CPA6: variants seen among roughly 807,000 people sequenced by gnomAD.
CPA6 encodes carboxypeptidase A6, also known as carboxypeptidase B.
In CPA6, 58 loss-of-function variants were observed where a neutral mutation model predicts 63.3. That is an observed-to-expected ratio of 0.92 (90% confidence interval 0.74 to 1.14). The LOEUF (loss-of-function observed/expected upper bound fraction) is 1.14. Ranked by LOEUF, CPA6 falls within the 50% of genes most tolerant of loss-of-function variation. The pLI is 0.00. For synonymous variants in CPA6, 185 were observed against 179.0 expected (o/e 1.03, Z -0.27); for missense variants, 565 against 526.6 (o/e 1.07, Z -0.71).
intron 8 of CPA6, among the ~76,000 whole-genome samples, chr8:67,451,796 C>A (rs949173362): frequency 3.9e-5 from 6 of 152,128 alleles, no homozygotes; most frequent in Non-Finnish European, 8.8e-5. Flanking sequence ...TTCAGATAAG[C>A]CTGTTGGTCC....
intron 1 of CPA6, among the ~76,000 whole-genome samples, chr8:67,722,943 A>G (rs540610464): frequency 1.3e-3 from 193 of 151,862 alleles, no homozygotes; most frequent in Non-Finnish European, 2.5e-3. Flanking sequence ...CACTACCACC[A>G]TTTCCTCCCC....
intron 1 of CPA6, among the ~76,000 whole-genome samples, chr8:67,736,822 T>C (rs149093504): frequency 6.6e-6 from 1 of 152,204 alleles, no homozygotes. Flanking sequence ...AAAGTGCTTA[T>C]CTTCTCTGCA....
intron 2 of CPA6, among the ~76,000 whole-genome samples, chr8:67,622,602 C>G (rs1815107612): frequency 6.6e-6 from 1 of 152,136 alleles, no homozygotes; most frequent in East Asian, 1.9e-4. Context: ...ACTCAATGTT[C>G]AAGACATCAT....
intron 1 of CPA6, among the ~76,000 whole-genome samples, chr8:67,625,379 G>A (rs536696135): frequency 6.6e-6 from 1 of 152,156 alleles, no homozygotes; most frequent in Admixed American, 6.5e-5. Flanking sequence ...TTTCTGTAAA[G>A]GTCCTGAATT....
intron 1 of CPA6, among the ~76,000 whole-genome samples, chr8:67,700,306 G>A (rs1482683459): frequency 6.6e-6 from 1 of 152,172 alleles, no homozygotes; most frequent in African/African-American, 2.4e-5. Flanking sequence ...ACATACTAAG[G>A]AGTTATAAAC....
chr8:67,606,666 A>G (rs534425315), intron 2 of CPA6, among the ~76,000 whole-genome samples: 1 of 152,332 alleles, frequency 6.6e-6, no homozygotes, highest in Admixed American at 6.5e-5. Context: ...CTCTGCGGGC[A>G]TGACAAAGAC....
intron 2 of CPA6, among the ~76,000 whole-genome samples, chr8:67,586,596 T>C (rs1471017161): frequency 1.3e-5 from 2 of 152,194 alleles, no homozygotes; most frequent in South Asian, 2.1e-4. Flanking sequence ...GGAACTAGCA[T>C]GGCTTCAAAG....
At chr8:67,440,485 C>T (rs1358551505) in intron 8 of CPA6, among the ~76,000 whole-genome samples, 1 of 152,104 alleles carries the variant, frequency 6.6e-6, no homozygotes, top group Non-Finnish European at 1.5e-5. Context: ...GTGTGAGAAT[C>T]GCTTGAACCC....
chr8:67,544,797 C>T (rs1812778366), intron 2 of CPA6, among the ~76,000 whole-genome samples: 1 of 152,154 alleles, frequency 6.6e-6, no homozygotes, highest in Admixed American at 6.5e-5. Flanking sequence ...CCCCAACTTC[C>T]ACCAGGATGC....
intron 2 of CPA6, among the ~76,000 whole-genome samples, chr8:67,573,964 T>C (rs1031420282): frequency 4.0e-5 from 6 of 149,910 alleles, no homozygotes; most frequent in Non-Finnish European, 8.9e-5. Context: ...TTAAAACATA[T>C]TCTGTGTGTT....
At chr8:67,460,866 G>A (rs926365390) in intron 8 of CPA6, among the ~76,000 whole-genome samples, 4 of 152,000 alleles carry the variant, frequency 2.6e-5, no homozygotes, top group African/African-American at 4.8e-5. Flanking sequence ...CATCTCTAGC[G>A]AAGTACCAGG....
chr8:67,626,493 C>A (rs1276765940), intron 1 of CPA6, among the ~76,000 whole-genome samples: 1 of 152,146 alleles, frequency 6.6e-6, no homozygotes, highest in Non-Finnish European at 1.5e-5. Flanking sequence ...ATCACACAAA[C>A]CACCTCTCAG....
At chr8:67,519,895 T>C (rs1236444717) in intron 2 of CPA6, among the ~76,000 whole-genome samples, 1 of 152,246 alleles carries the variant, frequency 6.6e-6, no homozygotes, top group Admixed American at 6.5e-5. Flanking sequence ...CTTAATCCCT[T>C]CTATTGCAGC....
chr8:67,467,610 T>C (rs1198961680), intron 8 of CPA6, among the ~76,000 whole-genome samples: 2 of 152,184 alleles, frequency 1.3e-5, no homozygotes, highest in Non-Finnish European at 2.9e-5. Flanking sequence ...TCATCTGCTT[T>C]ATTGCATCAT....
chr8:67,581,372 A>G (rs1813767730), intron 2 of CPA6, among the ~76,000 whole-genome samples: 1 of 152,232 alleles, frequency 6.6e-6, no homozygotes, highest in Non-Finnish European at 1.5e-5. Context: ...CAAAGTACAT[A>G]AAGGCACTAT....
At chr8:67,709,500 T>A (rs1444414972) in intron 1 of CPA6, among the ~76,000 whole-genome samples, 1 of 152,178 alleles carries the variant, frequency 6.6e-6, no homozygotes, top group African/African-American at 2.4e-5. Context: ...CAATGATAAA[T>A]AAAGGAGGGC....
At chr8:67,481,138 C>T (rs1170478627) in intron 8 of CPA6, among the ~76,000 whole-genome samples, 2 of 152,176 alleles carry the variant, frequency 1.3e-5, no homozygotes, top group Admixed American at 1.3e-4. Flanking sequence ...ATTTAGGCAA[C>T]ACTTGAATTA....
chr8:67,651,718 C>T (rs992252695), intron 1 of CPA6, among the ~76,000 whole-genome samples: 8 of 151,782 alleles, frequency 5.3e-5, no homozygotes, highest in Admixed American at 2.0e-4. Context: ...GAGAATAGCG[C>T]GAGAGCTATT....
At chr8:67,680,867 C>T (rs918746143) in intron 1 of CPA6, among the ~76,000 whole-genome samples, 6 of 152,154 alleles carry the variant, frequency 3.9e-5, no homozygotes, top group Non-Finnish European at 8.8e-5. Flanking sequence ...ACTCTAATGA[C>T]TAATTATATT....
Sources: gnomAD v4.1 joint callset for allele counts (sites outside exome capture counted in the v4.1 genomes callset) on GRCh38, gnomAD v4.1.1 for gene constraint, MANE v1.5 for transcripts, NCBI Gene and HGNC (gene_info 2026-07-23, HGNC 2026-07-21) for gene names.